Variants in CACNG8 observed in about 807,000 individuals in gnomAD.
CACNG8 encodes voltage-dependent calcium channel gamma-8 subunit.
CACNG8 carries 5 observed loss-of-function variants against 26.9 expected under a neutral mutation model. The ratio of observed to expected loss-of-function variants is 0.19; its 90% confidence interval spans 0.10 to 0.39. The LOEUF (loss-of-function observed/expected upper bound fraction) is 0.39. CACNG8 is among the 10% of genes least tolerant of loss of function. The pLI, the probability that CACNG8 is intolerant of heterozygous loss-of-function variation, is 1.00. For missense variants in CACNG8, 473 were observed against 609.4 expected (o/e 0.78, Z 2.36); for synonymous variants, 321 against 296.7 (o/e 1.08, Z -0.84).
chr19:53,969,328 A>C (rs1174760037), intron 1 of CACNG8, among the ~76,000 whole-genome samples: 1 of 152,094 alleles, frequency 6.6e-6, no homozygotes, highest in Non-Finnish European at 1.5e-5. Flanking sequence ...CCCATTCTAA[A>C]AGAAGAAGTG....
At chr19:53,979,146 G>A (rs2145939965) in intron 2 of CACNG8, among the ~76,000 whole-genome samples, 1 of 147,804 alleles carries the variant, frequency 6.8e-6, no homozygotes, top group Non-Finnish European at 1.5e-5. Flanking sequence ...GATGAGGCCA[G>A]GGAGAAAAAG....
intron 1 of CACNG8, among the ~76,000 whole-genome samples, chr19:53,970,252 G>C (rs540117835): frequency 1.4e-4 from 22 of 152,244 alleles, no homozygotes; most frequent in South Asian, 2.1e-4. Context: ...GGAGGCAGAG[G>C]TTGCAGTGAG....
intron 3 of CACNG8, among the ~76,000 whole-genome samples, 195 bp downstream of exon 3, chr19:53,980,202 C>T (rs567679701): frequency 2.6e-5 from 4 of 152,278 alleles, no homozygotes; most frequent in African/African-American, 9.6e-5. Flanking sequence ...TCGCCACCCG[C>T]TGGGTAAGGT....
intron 3 of CACNG8, 82 bp downstream of exon 3, chr19:53,980,089 C>T (rs1050012340): frequency 2.6e-5 from 35 of 1,333,490 alleles, no homozygotes; most frequent in Middle Eastern, 2.1e-4. Context: ...TGTGTGTGCG[C>T]GCGCGCGCGT....
chr19:53,982,406 C>G lies in CACNG8; in HGVS notation c.835C>G (p.Arg279Gly). The G allele has an allele frequency of 6.6e-7, 1 of 1,523,468 alleles. No homozygotes were observed. Among genetic ancestry groups the G allele is most frequent in the Non-Finnish European group, 8.8e-7 (1 of 1,141,840 alleles). 94.4% of individuals were successfully genotyped at this position (1,523,468 alleles called of 1,614,324 possible). A position where few individuals can be genotyped will look rare whatever the true frequency, so the allele number is the denominator to read the frequency against. The change falls in exon 4 of 4, where the codon CGC (arginine) becomes GGC (glycine). Residue 279 changes from arginine to glycine, a missense_variant. Coordinates refer to ENST00000270458, the MANE Select transcript of CACNG8 (RefSeq NM_031895.6). The surrounding 1 kb of genome is among the most constrained non-coding windows in gnomAD (Gnocchi z 8.4). Reference sequence around the variant, plus strand: ...CCGCCGCCGCTCCCGCTCTAGCTCCCGCTCCAGCGAGCCGTCGCCGTCGCG... The same window carrying G: ...CCGCCGCCGCTCCCGCTCTAGCTCCGGCTCCAGCGAGCCGTCGCCGTCGCG...
chr19:53,982,125 C>T lies in CACNG8; in HGVS notation c.554C>T (p.Ala185Val). The T allele has an allele frequency of 6.2e-7, 1 of 1,608,276 alleles. No homozygotes were observed. The highest frequency in any genetic ancestry group is 8.5e-7 in the Non-Finnish European group (1 of 1,177,524). Residue 185 changes from alanine to valine, a missense_variant, in exon 4 of 4, where the codon GCG (alanine) becomes GTG (valine). Coordinates refer to ENST00000270458, the MANE Select transcript of CACNG8 (RefSeq NM_031895.6). The surrounding 1 kb of genome is among the most constrained non-coding windows in gnomAD (Gnocchi z 8.4). ...GTGATCGTGTACATCTCCGCCAACG[C>T]GGGCGAGCCGGGCCCGAAGCGGGAC...
In CACNG8 at chr19:53,988,590, ACT is replaced by A. The variant is rs2069421415; in HGVS notation, c.*5744_*5745del. The A allele has an allele frequency of 1.4e-5, 2 of 146,972 alleles. No individual in the cohort carries two copies. The allele number at this position is 146,972 out of a possible 1,614,324, so 9.1% of individuals were successfully genotyped here. The stretch of plus-strand genomic sequence containing the variant: ...ACTCTAGCCTGGGTGACAGAGCAAG[ACT>A]CTGTCTCAAAAAAGAAAAAAGGTAA... On this transcript the variant is annotated 3_prime_UTR_variant, in exon 4 of 4. Transcript: ENST00000270458.
chr19:53,971,815 G>A (rs1368114236), intron 1 of CACNG8, among the ~76,000 whole-genome samples: 1 of 152,170 alleles, frequency 6.6e-6, no homozygotes, highest in African/African-American at 2.4e-5. Flanking sequence ...TTGGATCCCA[G>A]TTCTCCACGT....
At position 53,982,174 on chromosome 19, in the gene CACNG8, G is replaced by C; in HGVS notation, c.603G>C (p.Ser201=). 3 of 1,613,356 alleles carry C rather than the reference G, an allele frequency of 1.9e-6. No individual in the cohort carries two copies. Among genetic ancestry groups the C allele is most frequent in the Non-Finnish European group, 2.5e-6 (3 of 1,179,696 alleles). ...ACGAGGAGAAGAAAAACCACTACTC[G>C]TACGGCTGGTCCTTCTACTTCGGCG... is the stretch of plus-strand genomic sequence containing the variant. The change falls in exon 4 of 4, where the codon TCG becomes TCC. Residue 201 remains serine (S), a synonymous_variant. Transcript: ENST00000270458. This position sits in a 1 kb window ranked among gnomAD's most constrained non-coding sequence, Gnocchi z 8.4.
At chr19:53,964,883 A>G (rs917867182) in intron 1 of CACNG8, among the ~76,000 whole-genome samples, 3 of 152,192 alleles carry the variant, frequency 2.0e-5, no homozygotes, top group Admixed American at 6.5e-5. Context: ...GAAGGAGTGG[A>G]ACCAGCCATC....
rs1221818237 is a variant in CACNG8, at chr19:53,963,351, G to A, written c.209G>A (p.Gly70Asp). The stretch of plus-strand genomic sequence containing the variant: ...GACGACGGGACCCCCCACCGCGGGG[G>A]CGGCGGCGCCTCGGAGAAGAAGGAC... Residue 70 changes from glycine (G) to aspartate (D), a missense_variant, in exon 1 of 4, where the codon GGC (glycine) becomes GAC (aspartate). Coordinates refer to ENST00000270458, the MANE Select transcript of CACNG8 (RefSeq NM_031895.6). 1.3e-6 allele frequency: 2 copies of A among 1,593,802 alleles called. No individual in the cohort carries two copies. The highest frequency in any genetic ancestry group is 8.5e-7 in the Non-Finnish European group (1 of 1,175,600).
chr19:53,972,315 G>T (rs11883381), intron 1 of CACNG8, among the ~76,000 whole-genome samples: 34,860 of 139,952 alleles, frequency 0.25, 7,245 homozygotes, highest in African/African-American at 0.58. Context: ...TTTCTTTCTT[G>T]CTTGCTTTCT....
At chr19:53,974,409 T>C (rs1031324125) in intron 1 of CACNG8, among the ~76,000 whole-genome samples, 1 of 152,230 alleles carries the variant, frequency 6.6e-6, no homozygotes, top group Non-Finnish European at 1.5e-5. Context: ...AAAATGCTAC[T>C]ATGAACACGA....
chr19:53,978,085 G>T (rs930386333), intron 1 of CACNG8, 61 bp from the exon 2 acceptor site: 8 of 1,151,742 alleles, frequency 6.9e-6, no homozygotes, highest in Non-Finnish European at 1.0e-5. Flanking sequence ...TTGTCAGTGG[G>T]GTTGCCCCGC....
chr19:53,969,178 A>T (rs1199961372), intron 1 of CACNG8, among the ~76,000 whole-genome samples: 1 of 151,742 alleles, frequency 6.6e-6, no homozygotes, highest in Non-Finnish European at 1.5e-5. Flanking sequence ...TAATTTTTGT[A>T]CTTTTAGTAG....
In CACNG8 at chr19:53,983,092, A is replaced by C. The variant is rs1226811637; in HGVS notation, c.*243A>C. Reference sequence around the variant, plus strand: ...CGTGTTTTATTTTTTTGGGGGATCTATGGGGAGGGGGGAGGGCCATGGTGT... The same window carrying C: ...CGTGTTTTATTTTTTTGGGGGATCTCTGGGGAGGGGGGAGGGCCATGGTGT... On this transcript the variant is annotated 3_prime_UTR_variant, in exon 4 of 4. Coordinates refer to ENST00000270458, the MANE Select transcript of CACNG8 (RefSeq NM_031895.6). The C allele has an allele frequency of 3.8e-4, 36 of 94,966 alleles. No homozygotes were observed. The highest frequency in any genetic ancestry group is 1.4e-3 in the East Asian group (4 of 2,940). 5.9% of individuals were successfully genotyped at this position (94,966 alleles called of 1,614,324 possible). A position where few individuals can be genotyped will look rare whatever the true frequency, so the allele number is the denominator to read the frequency against.
chr19:53,966,949 T>C (rs921809646), intron 1 of CACNG8, among the ~76,000 whole-genome samples: 3 of 152,098 alleles, frequency 2.0e-5, no homozygotes, highest in Non-Finnish European at 4.4e-5. Context: ...GAGTTGCTGA[T>C]GGAGCAGTTG....
In CACNG8 at chr19:53,982,438, G is replaced by A. The variant is rs1038999637; in HGVS notation, c.867G>A (p.Ala289=). The A allele has an allele frequency of 1.3e-6, 2 of 1,518,196 alleles. No homozygotes were observed. The highest frequency in any genetic ancestry group is 1.8e-6 in the Non-Finnish European group (2 of 1,140,094). The allele number at this position is 1,518,196 out of a possible 1,614,324, so 94.0% of individuals were successfully genotyped here. Residue 289 remains alanine (A), a synonymous_variant, in exon 4 of 4, where the codon GCG becomes GCA. Transcript: ENST00000270458. This position sits in a 1 kb window ranked among gnomAD's most constrained non-coding sequence, Gnocchi z 8.4. ...GCGAGCCGTCGCCGTCGCGGGACGC[G>A]TCTCCCGGCGGCCCCGGGGGCCCGG...
At chr19:53,975,105 T>A (rs896753204) in intron 1 of CACNG8, among the ~76,000 whole-genome samples, 2 of 150,842 alleles carry the variant, frequency 1.3e-5, no homozygotes, top group Non-Finnish European at 3.0e-5. Context: ...CACACCACCA[T>A]GCCCAGCTAA....
Sources: allele counts gnomAD v4.1 joint callset (sites outside exome capture counted in the v4.1 genomes callset), GRCh38; gene constraint gnomAD v4.1.1; non-coding constraint Gnocchi (gnomAD v3.1); transcripts MANE v1.5; gene names NCBI Gene and HGNC (gene_info 2026-07-23, HGNC 2026-07-21).